PSIP1: variants seen among roughly 807,000 people sequenced by gnomAD.
The protein encoded by PSIP1 is PC4 and SRSF1 interacting protein 1.
A neutral mutation model predicts 74.7 loss-of-function variants in PSIP1; 19 were observed. The ratio of observed to expected loss-of-function variants is 0.25; its 90% CI spans 0.18 to 0.37. The LOEUF is 0.37. PSIP1 is among the 10% of genes least tolerant of loss of function. The probability of loss-of-function intolerance (pLI) is 1.00; values close to 1 mark genes in which losing one functional copy is unlikely to be tolerated. For synonymous variants in PSIP1, 222 were observed against 195.3 expected, an observed-to-expected ratio of 1.14 and a Z score of -1.14; for missense variants, 601 against 614.3, an observed-to-expected ratio of 0.98 and a Z score of 0.23.
chr9:15,505,473 T>C (rs1007221394), intron 3 of PSIP1: 16 of 152,200 alleles, frequency 1.1e-4, no homozygotes, highest in African/African-American at 3.4e-4. Flanking sequence ...ACTCTAATTA[T>C]GATGAAGGCC....
At chr9:15,503,693 C>T (rs959463691) in intron 3 of PSIP1, among the ~76,000 whole-genome samples, 1 of 151,836 alleles carries the variant, frequency 6.6e-6, no homozygotes, top group African/African-American at 2.4e-5. Context: ...ACTACCCTCC[C>T]AAATTTTGAG....
At chr9:15,490,841 G>A (rs900154675) in intron 3 of PSIP1, among the ~76,000 whole-genome samples, 40 of 151,920 alleles carry the variant, frequency 2.6e-4, no homozygotes, top group Admixed American at 1.6e-3. Context: ...CAAAACTATC[G>A]TGTTTTTAAA....
chr9:15,486,483 C>CA (rs1448202780), intron 5 of PSIP1, among the ~76,000 whole-genome samples: 2 of 152,134 alleles, frequency 1.3e-5, no homozygotes, highest in Admixed American at 6.5e-5. Context: ...AGTTGGACAT[C>CA]AACCTAGGTT....
intron 2 of PSIP1, among the ~76,000 whole-genome samples, chr9:15,508,983 A>T (rs1424958108): frequency 6.6e-6 from 1 of 152,216 alleles, no homozygotes; most frequent in Non-Finnish European, 1.5e-5. Flanking sequence ...CTTTGGAAGG[A>T]AACTTGTGAA....
chr9:15,466,776 CTT>C lies in PSIP1; in HGVS notation c.1502_1503del (p.Lys501ArgfsTer4), dbSNP rs753516391. ...TTCTTCGTGCTGGCTTCATGGTTGT[CTT>C]TGCTGTCTTCATTGCTCTCCCCGTT... is the stretch of plus-strand genomic sequence containing the variant. ...QHNGESNEDSKDNHEASTKKK... is the reference protein window; with the variant it reads ...QHNGESNEDSXDNHEASTKKK... On this transcript the variant is annotated frameshift_variant, in exon 15 of 16. Coordinates refer to ENST00000380733, the MANE Select transcript of PSIP1 (RefSeq NM_033222.5). LOFTEE classifies it high-confidence loss of function. 71 of 1,612,948 alleles carry C rather than the reference CTT, an allele frequency of 4.4e-5. No individual in the cohort carries two copies. Among genetic ancestry groups the C allele is most frequent in the South Asian group, 1.3e-4 (12 of 90,818 alleles).
chr9:15,488,995 T>C (rs2036699988), intron 4 of PSIP1, among the ~76,000 whole-genome samples: 1 of 152,162 alleles, frequency 6.6e-6, no homozygotes, highest in Admixed American at 6.5e-5. Flanking sequence ...CACCCCAGCC[T>C]GGGCGACAGA....
At chr9:15,483,634 AT>A (rs1418915587) in intron 6 of PSIP1, among the ~76,000 whole-genome samples, 1 of 152,210 alleles carries the variant, frequency 6.6e-6, no homozygotes, top group African/African-American at 2.4e-5. Context: ...ACTCAAATCC[AT>A]GCCAAGTCCA....
At chr9:15,492,849 A>C (rs574125318) in intron 3 of PSIP1, among the ~76,000 whole-genome samples, 6 of 152,350 alleles carry the variant, frequency 3.9e-5, no homozygotes, top group Non-Finnish European at 8.8e-5. Context: ...CTGAAACAAC[A>C]GCCTCAGCTA....
At chr9:15,469,818 A>T (rs1396607353) in intron 11 of PSIP1, 120 bp downstream of exon 11, 4 of 821,864 alleles carry the variant, frequency 4.9e-6, no homozygotes, top group Non-Finnish European at 5.7e-6. Context: ...GGGATTTGAA[A>T]AATTCTATTT....
intron 14 of PSIP1, among the ~76,000 whole-genome samples, chr9:15,467,268 A>G (rs952522434): frequency 2.0e-5 from 3 of 152,204 alleles, no homozygotes; most frequent in African/African-American, 7.2e-5. Context: ...ATTTTAGAAC[A>G]AAGTGCTAAA....
chr9:15,506,297 TA>T, intron 3 of PSIP1: 1 of 314,514 alleles, frequency 3.2e-6, no homozygotes, highest in African/African-American at 2.1e-5. Context: ...AAACTTTCCT[TA>T]TGTATTTTCA....
intron 7 of PSIP1, 111 bp downstream of exon 7, chr9:15,479,480 A>C (rs1170744396): frequency 2.9e-6 from 2 of 694,438 alleles, no homozygotes; most frequent in African/African-American, 3.7e-5. Flanking sequence ...TATGTTACAC[A>C]TAATCAATTG....
At chr9:15,507,511 G>A (rs1183723183) in intron 2 of PSIP1, among the ~76,000 whole-genome samples, 5 of 152,114 alleles carry the variant, frequency 3.3e-5, no homozygotes, top group African/African-American at 9.6e-5. Flanking sequence ...AGCAGGGCAC[G>A]GTGTCAGGTG....
chr9:15,473,915 C>CAAA (rs386414512), intron 9 of PSIP1, 94 bp downstream of exon 9: 20 of 600,538 alleles, frequency 3.3e-5, no homozygotes, highest in African/African-American at 9.3e-5. Flanking sequence ...AAAAAAAAAA[C>CAAA]AAAAAAAAAA....
At chr9:15,468,333 C>A (rs760408053) in intron 14 of PSIP1, 11 of 601,006 alleles carry the variant, frequency 1.8e-5, no homozygotes, top group Non-Finnish European at 2.9e-5. Context: ...AGTGGGTACT[C>A]TAGGGATTAG....
At chr9:15,470,672 G>A (rs2035784905) in intron 10 of PSIP1, 1 of 934,418 alleles carries the variant, frequency 1.1e-6, no homozygotes, top group Non-Finnish European at 1.3e-6. Context: ...TAAAATTTTG[G>A]TTACAGTTTC....
intron 8 of PSIP1, among the ~76,000 whole-genome samples, chr9:15,475,834 C>T (rs530198959): frequency 6.6e-6 from 1 of 152,102 alleles, no homozygotes; most frequent in African/African-American, 2.4e-5. Context: ...CCCTTTTTAG[C>T]AGGTAAGGGA....
intron 8 of PSIP1, among the ~76,000 whole-genome samples, chr9:15,475,018 C>T (rs1474112600): frequency 6.6e-6 from 1 of 152,068 alleles, no homozygotes; most frequent in African/African-American, 2.4e-5. Context: ...TTCCATTTGA[C>T]AAATGAGAAA....
intron 4 of PSIP1, among the ~76,000 whole-genome samples, chr9:15,488,476 C>T (rs114198781): frequency 2.6e-5 from 4 of 152,100 alleles, no homozygotes; most frequent in Non-Finnish European, 4.4e-5. Context: ...AGAAACTGTC[C>T]CAATTATCTT....
Sources: gnomAD v4.1 joint callset for allele counts (sites outside exome capture counted in the v4.1 genomes callset) on GRCh38, gnomAD v4.1.1 for gene constraint, MANE v1.5 for transcripts, NCBI Gene and HGNC (gene_info 2026-07-23, HGNC 2026-07-21) for gene names.